Variants in KAZN observed in about 807,000 individuals in gnomAD.
KAZN encodes kazrin, periplakin interacting protein.
KAZN carries 40 observed loss-of-function variants against 87.4 expected under a neutral mutation model. The ratio of observed to expected loss-of-function variants is 0.46; its 90% CI spans 0.36 to 0.60. KAZN has a LOEUF of 0.60. KAZN is among the 20% of genes least tolerant of loss of function. The probability of loss-of-function intolerance (pLI) is 0.00; values close to 1 mark genes in which losing one functional copy is unlikely to be tolerated. For missense variants in KAZN, 898 were observed against 1,073.9 expected, an observed-to-expected ratio of 0.84 and a Z score of 2.29; for synonymous variants, 466 against 458.3, an observed-to-expected ratio of 1.02 and a Z score of -0.22.
chr1:14,374,641 G>A (rs140852753), intron 2 of KAZN, among the ~76,000 whole-genome samples: 53 of 152,248 alleles, frequency 3.5e-4, no homozygotes, highest in African/African-American at 1.2e-3. Flanking sequence ...AGATGAAGAC[G>A]CCCTTCTGGG....
chr1:14,670,472 G>T (rs942676901), intron 1 of KAZN, among the ~76,000 whole-genome samples: 1 of 152,096 alleles, frequency 6.6e-6, no homozygotes, highest in Non-Finnish European at 1.5e-5. Flanking sequence ...CTGCTCCAGG[G>T]GCTACACTTT....
chr1:15,085,674 T>C (rs1005103143), intron 8 of KAZN, among the ~76,000 whole-genome samples: 3 of 152,198 alleles, frequency 2.0e-5, no homozygotes, highest in African/African-American at 7.2e-5. Context: ...TTAATGGCTA[T>C]CCTATTGGTC....
chr1:14,106,959 C>T (rs1644387609), intron 1 of KAZN, among the ~76,000 whole-genome samples: 1 of 119,042 alleles, frequency 8.4e-6, no homozygotes, highest in African/African-American at 3.2e-5. Flanking sequence ...CCCTTCCCTC[C>T]CTCCCCGTCC....
chr1:14,133,380 AG>A lies in KAZN; in HGVS notation c.92-47054del, dbSNP rs58891985. Among the ~76,000 whole-genome samples the A allele has an allele frequency of 9.7e-3, 209 of 21,436 alleles. 18 individuals carry two copies. Among genetic ancestry groups the A allele is most frequent in the African/African-American group, 0.026 (162 of 6,158 alleles). 14.1% of individuals were successfully genotyped at this position (21,436 alleles called of 152,430 possible). A position where few individuals can be genotyped will look rare whatever the true frequency, so the allele number is the denominator to read the frequency against. ...GACTCCCTCTCAAAAAAAAAAAAAA[AG>A]AAAGAAAGAAAGAAAGAAAGAAAGA... On this transcript the variant is annotated intron_variant, in intron 1 of 16. Coordinates refer to the KAZN transcript ENST00000636203.
chr1:14,781,729 C>A (rs1051898246), intron 1 of KAZN, among the ~76,000 whole-genome samples: 1 of 152,156 alleles, frequency 6.6e-6, no homozygotes, highest in African/African-American at 2.4e-5. Context: ...CCCAGCCCAG[C>A]ACTTTGGGAG....
chr1:14,892,764 G>A (rs1433272229), intron 1 of KAZN, among the ~76,000 whole-genome samples: 1 of 152,184 alleles, frequency 6.6e-6, no homozygotes, highest in East Asian at 1.9e-4. Flanking sequence ...ACGGGGCTGT[G>A]GGGGCCTCCT....
intron 2 of KAZN, among the ~76,000 whole-genome samples, chr1:14,253,223 C>T (rs1218950926): frequency 6.6e-6 from 1 of 151,914 alleles, no homozygotes; most frequent in Non-Finnish European, 1.5e-5. Context: ...TGGTGAAGCA[C>T]TAAGCTTTTC....
At chr1:15,065,549 A>G (rs1557773310) in intron 7 of KAZN, 81 bp from the exon 8 acceptor site, 2 of 1,241,812 alleles carry the variant, frequency 1.6e-6, no homozygotes, top group Non-Finnish European at 2.3e-6. Flanking sequence ...CCCGGATCCC[A>G]TCCACTGCAG....
At chr1:14,480,644 TAA>T (rs1669025642) in intron 2 of KAZN, among the ~76,000 whole-genome samples, 1 of 145,230 alleles carries the variant, frequency 6.9e-6, no homozygotes, top group Non-Finnish European at 1.5e-5. Context: ...TTATGTATTA[TAA>T]TATATAATAT....
intron 2 of KAZN, among the ~76,000 whole-genome samples, chr1:14,571,746 G>A (rs1674879836): frequency 6.6e-6 from 1 of 152,104 alleles, no homozygotes; most frequent in African/African-American, 2.4e-5. Context: ...CCTCCCCTCC[G>A]CCAAGATTCC....
chr1:14,768,843 C>T (rs1411911606), intron 1 of KAZN, among the ~76,000 whole-genome samples: 2 of 152,162 alleles, frequency 1.3e-5, no homozygotes, highest in Non-Finnish European at 2.9e-5. Context: ...TCCTGTGTGG[C>T]CAAATGGTTT....
intron 1 of KAZN, among the ~76,000 whole-genome samples, chr1:14,068,519 A>C (rs1046508995): frequency 6.6e-6 from 1 of 152,094 alleles, no homozygotes; most frequent in Non-Finnish European, 1.5e-5. Flanking sequence ...AAAAAATCTC[A>C]TCGGGGGATT....
chr1:14,366,899 C>CGAATGGAAGGGCAGT (rs1557666830), intron 2 of KAZN, among the ~76,000 whole-genome samples: 2 of 152,176 alleles, frequency 1.3e-5, no homozygotes, highest in Non-Finnish European at 2.9e-5. Context: ...GTCTCACAAA[C>CGAATGGAAGGGCAGT]GAATGGAAGG....
chr1:14,651,498 G>A (rs1638372054), intron 1 of KAZN, among the ~76,000 whole-genome samples: 1 of 152,124 alleles, frequency 6.6e-6, no homozygotes, highest in Non-Finnish European at 1.5e-5. Flanking sequence ...CTACCAGGTT[G>A]GGGAGGTTAT....
At chr1:14,319,600 C>G (rs1655909529) in intron 2 of KAZN, among the ~76,000 whole-genome samples, 1 of 152,158 alleles carries the variant, frequency 6.6e-6, no homozygotes, top group South Asian at 2.1e-4. Context: ...ACTGTCCTTT[C>G]AACTCAGCAA....
At chr1:14,111,724 T>C (rs1644501862) in intron 1 of KAZN, among the ~76,000 whole-genome samples, 1 of 111,744 alleles carries the variant, frequency 8.9e-6, no homozygotes, top group South Asian at 2.9e-4. Flanking sequence ...CCCCAACCCT[T>C]TGCCTAGATT....
At chr1:15,025,296 C>T (rs1235155369) in intron 2 of KAZN, among the ~76,000 whole-genome samples, 2 of 152,172 alleles carry the variant, frequency 1.3e-5, no homozygotes, top group Non-Finnish European at 2.9e-5. Context: ...TTTTTGCCAC[C>T]ATCTCACTGG....
At chr1:13,981,091 A>ATATATATATG (rs1553181098) in intron 1 of KAZN, among the ~76,000 whole-genome samples, 2 of 107,674 alleles carry the variant, frequency 1.9e-5, no homozygotes, top group Non-Finnish European at 3.8e-5. Flanking sequence ...ATTACTCTTT[A>ATATATATATG]TATATATATA....
chr1:14,180,526 A>G (rs757678349), exon 2 of KAZN: 4 of 1,550,204 alleles, frequency 2.6e-6, no homozygotes, highest in Non-Finnish European at 3.5e-6. Context: ...ACCCTTTTCT[A>G]CCCACTGAGA....
Sources: allele counts gnomAD v4.1 joint callset (sites outside exome capture counted in the v4.1 genomes callset), GRCh38; gene constraint gnomAD v4.1.1; transcripts MANE v1.5; gene names NCBI Gene and HGNC (gene_info 2026-07-23, HGNC 2026-07-21).